Variants in ATP8B4 observed in about 807,000 individuals in gnomAD.
ATP8B4 encodes ATPase phospholipid transporting 8B4 (putative), also known as probable phospholipid-transporting ATPase IM.
ATP8B4 carries 133 observed loss-of-function variants against 145.6 expected under a neutral mutation model. The observed-to-expected ratio is 0.91, with a 90% confidence interval of 0.79 to 1.05. The LOEUF is 1.05. Ranked by LOEUF, ATP8B4 falls within the 50% of genes least tolerant of loss-of-function variation. The pLI, the probability that ATP8B4 is intolerant of heterozygous loss-of-function variation, is 0.00. For synonymous variants in ATP8B4, 507 were observed against 492.9 expected, an observed-to-expected ratio of 1.03 and a Z score of -0.38; for missense variants, 1,458 against 1,425.2, an observed-to-expected ratio of 1.02 and a Z score of -0.37.
intron 20 of ATP8B4, among the ~76,000 whole-genome samples, chr15:49,912,045 G>T (rs1405806529): frequency 2.0e-5 from 3 of 151,994 alleles, no homozygotes; most frequent in Admixed American, 6.5e-5. Context: ...TGCTAAGAGA[G>T]AATTTTATAG....
At chr15:50,089,440 C>A (rs1185011151) in intron 2 of ATP8B4, among the ~76,000 whole-genome samples, 3 of 151,998 alleles carry the variant, frequency 2.0e-5, no homozygotes, top group African/African-American at 4.8e-5. Flanking sequence ...AAGAAAAAAG[C>A]AAACAACCAC....
chr15:50,006,489 C>CAAAAA lies in ATP8B4; in HGVS notation c.436-4271_436-4267dup, dbSNP rs750033683. On this transcript the variant is annotated intron_variant, in intron 7 of 27. Transcript: ENST00000284509. ...AGAGCAATGAGGGCAATGAGACCAC[C>CAAAAA]AAAAAAAAAAAAAAAAAAAAAGGCC... is the stretch of plus-strand genomic sequence containing the variant. Among the ~76,000 whole-genome samples, 6 of 47,842 alleles carry CAAAAA rather than the reference C, an allele frequency of 1.3e-4. 1 individual carries two copies. The highest frequency in any genetic ancestry group is 2.9e-4 in the African/African-American group (4 of 13,892). 31.4% of individuals were successfully genotyped at this position (47,842 alleles called of 152,430 possible).
chr15:50,067,163 C>A (rs4405488), intron 3 of ATP8B4, among the ~76,000 whole-genome samples: 18,128 of 152,114 alleles, frequency 0.12, 1,175 homozygotes, highest in African/African-American at 0.16. Flanking sequence ...CTCCTTCCAG[C>A]CGATATTCCT....
At chr15:49,861,832 A>G (rs887103560) in intron 27 of ATP8B4, among the ~76,000 whole-genome samples, 4 of 152,156 alleles carry the variant, frequency 2.6e-5, no homozygotes, top group South Asian at 4.1e-4. Context: ...CTGGATTTCT[A>G]CAAAAATGTT....
intron 2 of ATP8B4, among the ~76,000 whole-genome samples, chr15:50,097,938 A>G (rs949998814): frequency 1.5e-4 from 23 of 152,206 alleles, no homozygotes; most frequent in Non-Finnish European, 7.3e-5. Flanking sequence ...AGAGGTAAAC[A>G]TTAGTCCCAT....
chr15:49,921,593 G>A (rs2040264407), intron 17 of ATP8B4, among the ~76,000 whole-genome samples: 1 of 152,090 alleles, frequency 6.6e-6, no homozygotes, highest in African/African-American at 2.4e-5. Context: ...CATTTTTATG[G>A]CCATTTCTGC....
chr15:50,171,555 C>T (rs373169461), intron 1 of ATP8B4, among the ~76,000 whole-genome samples: 6 of 152,156 alleles, frequency 3.9e-5, no homozygotes, highest in South Asian at 2.1e-4. Context: ...TCAGCAAAGG[C>T]GGTGCTAAGA....
chr15:49,891,752 G>A (rs898583719), intron 23 of ATP8B4, among the ~76,000 whole-genome samples: 1 of 152,194 alleles, frequency 6.6e-6, no homozygotes, highest in African/African-American at 2.4e-5. Flanking sequence ...TAGCAAGCAA[G>A]TCTTTCTATT....
chr15:49,920,526 A>G (rs2040163338), intron 17 of ATP8B4, 116 bp from the exon 18 acceptor site: 4 of 1,149,616 alleles, frequency 3.5e-6, no homozygotes, highest in Non-Finnish European at 4.8e-6. Flanking sequence ...TACCAAGAGC[A>G]CTGCTTGGCT....
chr15:49,887,333 C>T (rs1296452424), intron 23 of ATP8B4, among the ~76,000 whole-genome samples: 7 of 152,012 alleles, frequency 4.6e-5, no homozygotes, highest in Admixed American at 4.6e-4. Flanking sequence ...CTCGGGCACT[C>T]TACCACCTCT....
chr15:49,982,105 T>C (rs748706061), intron 10 of ATP8B4, among the ~76,000 whole-genome samples: 1 of 152,122 alleles, frequency 6.6e-6, no homozygotes, highest in Non-Finnish European at 1.5e-5. Context: ...ATTCTCCTCA[T>C]GATTTTCAAT....
chr15:50,013,426 A>G (rs1192128447), intron 6 of ATP8B4, among the ~76,000 whole-genome samples: 1 of 152,164 alleles, frequency 6.6e-6, no homozygotes, highest in African/African-American at 2.4e-5. Flanking sequence ...CTGTAGATGA[A>G]TTGCAGTATA....
At chr15:50,053,349 C>G (rs1350131540) in intron 3 of ATP8B4, among the ~76,000 whole-genome samples, 2 of 152,168 alleles carry the variant, frequency 1.3e-5, no homozygotes, top group Non-Finnish European at 2.9e-5. Flanking sequence ...CAGAGCCCAC[C>G]CTCTTCACCA....
At chr15:50,142,283 T>C (rs908629820) in intron 1 of ATP8B4, among the ~76,000 whole-genome samples, 7 of 152,146 alleles carry the variant, frequency 4.6e-5, no homozygotes, top group Non-Finnish European at 7.4e-5. Context: ...TCATTTTTTA[T>C]GAATAGACTT....
At chr15:50,075,267 TGAGGGAGATGAA>T (rs1051774409) in intron 2 of ATP8B4, among the ~76,000 whole-genome samples, 22 of 151,314 alleles carry the variant, frequency 1.5e-4, no homozygotes, top group African/African-American at 5.1e-4. Context: ...ATGAGGAAAA[TGAGGGAGATGAA>T]GAGGGAGAGA....
At position 49,996,695 on chromosome 15, in the gene ATP8B4, T is replaced by C. The variant is rs769232792; in HGVS notation, c.571A>G (p.Arg191Gly). ...TACTTACCATCAAACCCTGCAAGTC[T>C]GCTGATATCTGCTCCAAGTTCTGAA... ...VTSELGADIS[R>G]LAGFDGIVVC... Residue 191 changes from arginine to glycine, a missense_variant, in exon 9 of 28, where the codon AGA (arginine) becomes GGA (glycine). Coordinates refer to ENST00000284509, the MANE Select transcript of ATP8B4 (RefSeq NM_024837.4). 1.2e-6 allele frequency: 2 copies of C among 1,608,442 alleles called. No individual in the cohort carries two copies. Among genetic ancestry groups the C allele is most frequent in the East Asian group, 4.5e-5 (2 of 44,598 alleles).
chr15:50,132,387 A>G (rs2044059760), intron 1 of ATP8B4, among the ~76,000 whole-genome samples: 1 of 152,242 alleles, frequency 6.6e-6, no homozygotes, highest in African/African-American at 2.4e-5. Flanking sequence ...CATTACAGAA[A>G]TGCAATTCAA....
In ATP8B4 at chr15:49,901,187, C is replaced by T; in HGVS notation, c.2194G>A (p.Val732Ile). 1 of 1,613,576 alleles carries T rather than the reference C, an allele frequency of 6.2e-7. No individual in the cohort carries two copies. The highest frequency in any genetic ancestry group is 8.5e-7 in the Non-Finnish European group (1 of 1,179,664). Residue 732 changes from valine to isoleucine, a missense_variant, in exon 21 of 28, where the codon GTA becomes ATA. Transcript: ENST00000284509. ...AGCTGCTGCTTTTTTTCACAAACTA[C>T]ATGGCCATTGGAAAAATTTCTGTTT... ...GQNRNFSNGH[V>I]VCEKKQQLEL...
At chr15:50,057,773 A>T (rs1186782764) in intron 3 of ATP8B4, among the ~76,000 whole-genome samples, 1 of 152,224 alleles carries the variant, frequency 6.6e-6, no homozygotes, top group Non-Finnish European at 1.5e-5. Context: ...AGTGTCTGAA[A>T]GACAGTTCTA....
Sources: gnomAD v4.1 joint callset for allele counts (sites outside exome capture counted in the v4.1 genomes callset) on GRCh38, gnomAD v4.1.1 for gene constraint, MANE v1.5 for transcripts, NCBI Gene and HGNC (gene_info 2026-07-23, HGNC 2026-07-21) for gene names.